ERBB4: variants seen among roughly 807,000 people sequenced by gnomAD.
ERBB4 encodes the protein erb-b2 receptor tyrosine kinase 4, also known as receptor tyrosine-protein kinase erbB-4.
In ERBB4, 42 loss-of-function variants were observed where a neutral mutation model predicts 158.0. The ratio of observed to expected loss-of-function variants is 0.27; its 90% CI spans 0.21 to 0.34. The LOEUF (loss-of-function observed/expected upper bound fraction) is 0.34. ERBB4 is among the 10% of genes least tolerant of loss of function. ERBB4 has a pLI of 1.00. For synonymous variants in ERBB4, 583 were observed against 558.7 expected, an observed-to-expected ratio of 1.04 and a Z score of -0.61; for missense variants, 1,333 against 1,624.1, an observed-to-expected ratio of 0.82 and a Z score of 3.08.
At chr2:211,619,151 G>T in intron 19 of ERBB4, 26 bp downstream of exon 19, 1 of 1,368,248 alleles carries the variant, frequency 7.3e-7, no homozygotes, top group Non-Finnish European at 1.0e-6. Flanking sequence ...GGAGAAAAAT[G>T]TGATTGCCTG....
rs1165478806 is a variant in ERBB4, at chr2:212,338,876, T to C, written c.82+199573A>G. ...AACACGAAATTAATTATACAAAGCATGAAGGAAAATAGACTCATCCATTCT... is the reference window on the plus strand; with the variant it reads ...AACACGAAATTAATTATACAAAGCACGAAGGAAAATAGACTCATCCATTCT... On this transcript the variant is annotated intron_variant, in intron 1 of 27. Coordinates refer to ENST00000342788, the MANE Select transcript of ERBB4 (RefSeq NM_005235.3). Among the ~76,000 whole-genome samples, 3 of 152,144 alleles carry C rather than the reference T, an allele frequency of 2.0e-5. No homozygotes were observed. In the East Asian group the frequency reaches 5.8e-4, roughly 29 times the overall value.
chr2:211,766,930 G>A (rs1000825900), intron 4 of ERBB4, among the ~76,000 whole-genome samples: 2 of 152,042 alleles, frequency 1.3e-5, no homozygotes, highest in African/African-American at 4.8e-5. Flanking sequence ...TTTGCATAGG[G>A]GTGTGACTTG....
intron 2 of ERBB4, among the ~76,000 whole-genome samples, chr2:211,952,940 C>T (rs967181678): frequency 6.6e-6 from 1 of 151,732 alleles, no homozygotes; most frequent in Admixed American, 6.6e-5. Flanking sequence ...TGTTATGTAA[C>T]CTTTGGTACA....
At chr2:211,477,904 G>A (rs1485092948) in intron 20 of ERBB4, among the ~76,000 whole-genome samples, 1 of 152,132 alleles carries the variant, frequency 6.6e-6, no homozygotes, top group Non-Finnish European at 1.5e-5. Context: ...CATAATGGTT[G>A]TTGTGTAATA....
intron 1 of ERBB4, among the ~76,000 whole-genome samples, chr2:212,361,935 T>C (rs938761367): frequency 5.9e-5 from 9 of 151,594 alleles, no homozygotes; most frequent in Non-Finnish European, 8.9e-5. Flanking sequence ...GACAATATAA[T>C]AACAAAATTT....
intron 1 of ERBB4, among the ~76,000 whole-genome samples, chr2:212,323,942 C>T (rs1297485889): frequency 1.3e-5 from 2 of 150,436 alleles, no homozygotes; most frequent in East Asian, 3.9e-4. Flanking sequence ...GGAGCCATGC[C>T]CACCACACCT....
At chr2:211,857,543 AT>A (rs1424532897) in intron 3 of ERBB4, among the ~76,000 whole-genome samples, 1 of 152,112 alleles carries the variant, frequency 6.6e-6, no homozygotes, top group Non-Finnish European at 1.5e-5. Flanking sequence ...TGGTTTCTGA[AT>A]TTTAATCAAA....
chr2:212,173,304 T>C (rs1225769296), intron 1 of ERBB4, among the ~76,000 whole-genome samples: 1 of 152,090 alleles, frequency 6.6e-6, no homozygotes, highest in Non-Finnish European at 1.5e-5. Context: ...AGATAAGGTA[T>C]ACAGGTGACT....
At chr2:211,526,974 T>C (rs2066366043) in intron 20 of ERBB4, among the ~76,000 whole-genome samples, 1 of 152,036 alleles carries the variant, frequency 6.6e-6, no homozygotes, top group Non-Finnish European at 1.5e-5. Flanking sequence ...AGTGCAAATC[T>C]AAGAGTTATT....
chr2:211,657,853 A>G, intron 15 of ERBB4, 25 bp from the exon 16 acceptor site: 1 of 1,610,884 alleles, frequency 6.2e-7, no homozygotes, highest in Non-Finnish European at 8.5e-7. Context: ...AGAACAGAAA[A>G]CATCATTCTC....
Position 211,533,961 on chromosome 2 carries a change from C to A in ERBB4, c.2487+27942G>T, listed in dbSNP as rs147238431. 4.5e-3 allele frequency among the ~76,000 whole-genome samples: 679 copies of A among 152,158 alleles called. 7 individuals are homozygous for A. The highest frequency in any genetic ancestry group is 0.016 in the African/African-American group (661 of 41,538). ...CAGAAGACTGACTTTCCTATGATTTCTTATAAACCAGAATTAGATATCAAT... is the reference window on the plus strand; with the variant it reads ...CAGAAGACTGACTTTCCTATGATTTATTATAAACCAGAATTAGATATCAAT... On this transcript the variant is annotated intron_variant, in intron 20 of 27. Transcript: ENST00000342788.
intron 20 of ERBB4, among the ~76,000 whole-genome samples, chr2:211,483,225 C>T (rs976376869): frequency 6.6e-6 from 1 of 151,386 alleles, no homozygotes; most frequent in Non-Finnish European, 1.5e-5. Flanking sequence ...AATTAAGTAA[C>T]CAAATATGCG....
chr2:211,550,735 C>G (rs2067070925), intron 20 of ERBB4, among the ~76,000 whole-genome samples: 1 of 146,410 alleles, frequency 6.8e-6, no homozygotes, highest in African/African-American at 2.5e-5. Context: ...TATATATACA[C>G]ACACACACAT....
At chr2:211,637,644 A>C (rs1257429456) in intron 16 of ERBB4, among the ~76,000 whole-genome samples, 2 of 151,978 alleles carry the variant, frequency 1.3e-5, no homozygotes, top group Non-Finnish European at 2.9e-5. Flanking sequence ...CCATTCTAAT[A>C]ATTTCCAATA....
At chr2:212,469,368 A>G (rs1012196674) in intron 1 of ERBB4, among the ~76,000 whole-genome samples, 4 of 152,168 alleles carry the variant, frequency 2.6e-5, no homozygotes, top group African/African-American at 9.6e-5. Context: ...GGCACTTAGA[A>G]CTACTTAGGA....
chr2:211,956,172 A>G (rs1254517626), intron 2 of ERBB4, among the ~76,000 whole-genome samples: 2 of 151,880 alleles, frequency 1.3e-5, no homozygotes, highest in Non-Finnish European at 2.9e-5. Context: ...ACTGAGTTCA[A>G]TTTTTTTCCT....
chr2:212,346,100 T>C (rs1011726977), intron 1 of ERBB4, among the ~76,000 whole-genome samples: 1 of 152,124 alleles, frequency 6.6e-6, no homozygotes, highest in African/African-American at 2.4e-5. Flanking sequence ...TTAACTTCCA[T>C]TTTAGAAACA....
chr2:211,749,166 A>T lies in ERBB4; in HGVS notation c.622+1473T>A, dbSNP rs143478198. Among the ~76,000 whole-genome samples, 386 of 152,308 alleles carry T rather than the reference A, an allele frequency of 2.5e-3. 3 individuals carry two copies. The highest frequency in any genetic ancestry group is 8.7e-3 in the African/African-American group (363 of 41,578). On this transcript the variant is annotated intron_variant, in intron 5 of 27. Coordinates refer to ENST00000342788, the MANE Select transcript of ERBB4 (RefSeq NM_005235.3). ...ACTTCGTCCAAAGAATAGGGAGGGAAATAGGCATTTATGTACATTGCTCTC... is the reference window on the plus strand; with the variant it reads ...ACTTCGTCCAAAGAATAGGGAGGGATATAGGCATTTATGTACATTGCTCTC...
In ERBB4 at chr2:211,564,529, C is replaced by A. The variant is rs574161528; in HGVS notation, c.2302-2441G>T. ...CATCTCCCAAATAGAGCTGTGACTT[C>A]AAAATTCTCAAAGTTTTGTTTCAAC... On this transcript the variant is annotated intron_variant, in intron 19 of 27. Transcript: ENST00000342788. 1.6e-4 allele frequency among the ~76,000 whole-genome samples: 24 copies of A among 152,216 alleles called. No homozygotes were observed. The East Asian group carries it at 4.6e-3, about 29-fold the overall frequency.
Sources: allele counts gnomAD v4.1 joint callset (sites outside exome capture counted in the v4.1 genomes callset), GRCh38; gene constraint gnomAD v4.1.1; transcripts MANE v1.5; gene names NCBI Gene and HGNC (gene_info 2026-07-23, HGNC 2026-07-21).